Variants in BRCA2 observed in about 807,000 individuals in gnomAD.
BRCA2 encodes BRCA2 DNA repair associated.
In BRCA2, 203 loss-of-function variants were observed where a neutral mutation model predicts 276.7. The ratio of observed to expected loss-of-function variants is 0.73; its 90% CI spans 0.65 to 0.82. BRCA2 has a LOEUF of 0.82. Among genes scored for constraint, BRCA2 ranks in the 40% least tolerant of loss-of-function variants. BRCA2 has a pLI of 0.00. For missense variants in BRCA2, 3,920 were observed against 3,915.0 expected, an observed-to-expected ratio of 1.00 and a Z score of -0.03; for synonymous variants, 1,289 against 1,338.4, an observed-to-expected ratio of 0.96 and a Z score of 0.81.
Position 32,338,570 on chromosome 13 carries a change from TAAA to T in BRCA2, c.4216_4218del (p.Lys1406del), listed in dbSNP as rs758636052. The stretch of plus-strand genomic sequence containing the variant: ...AAGCATGTCATGGTAATACTTCAAA[TAAA>T]GAACAGTTAACTGCTACTAAAACGG... On this transcript the variant is annotated inframe_deletion, in exon 11 of 27. Transcript: ENST00000380152. 6.3e-7 allele frequency: 1 copy of T among 1,595,596 alleles called. No homozygotes were observed. Among genetic ancestry groups the T allele is most frequent in the Non-Finnish European group, 8.5e-7 (1 of 1,171,736 alleles).
chr13:32,361,954 AT>A (rs1181321309), intron 16 of BRCA2, among the ~76,000 whole-genome samples: 3 of 152,220 alleles, frequency 2.0e-5, no homozygotes, highest in Non-Finnish European at 4.4e-5. Context: ...ATTATTTAAA[AT>A]CAAGGATCTC....
intron 20 of BRCA2, among the ~76,000 whole-genome samples, chr13:32,375,905 A>G (rs894924464): frequency 1.3e-5 from 2 of 152,184 alleles, no homozygotes; most frequent in Non-Finnish European, 2.9e-5. Flanking sequence ...AAATGACTCC[A>G]TGATCCATGG....
At chr13:32,326,365 A>G (rs1031272655) in intron 6 of BRCA2, 83 bp downstream of exon 6, 6 of 1,516,932 alleles carry the variant, frequency 4.0e-6, no homozygotes, top group Non-Finnish European at 4.6e-6. Context: ...TGAGATTTAC[A>G]AATCTGTACC....
intron 2 of BRCA2, 75 bp downstream of exon 2, chr13:32,316,602 A>G (rs889746951): frequency 1.5e-5 from 19 of 1,236,846 alleles, no homozygotes; most frequent in Admixed American, 3.7e-5. Context: ...CTAAAAACCC[A>G]GTACGTCACA....
rs55777417 is a variant in BRCA2 at position 32,349,216 on chromosome 13, CAAAAAAAAAA to C, written c.7007+2334_7007+2343del. Among the ~76,000 whole-genome samples the C allele has an allele frequency of 2.6e-4, 26 of 98,142 alleles. 1 individual carries two copies. The highest frequency in any genetic ancestry group is 2.0e-3 in the South Asian group (6 of 2,982). 64.4% of individuals were successfully genotyped at this position (98,142 alleles called of 152,430 possible). A position where few individuals can be genotyped will look rare whatever the true frequency, so the allele number is the denominator to read the frequency against. ...TGGGTGACAGAGTGAGACTCTGTCTCAAAAAAAAAAAAAAAAAAAAAAAGATGGTGAATTG... is the reference window on the plus strand; with the variant it reads ...TGGGTGACAGAGTGAGACTCTGTCTCAAAAAAAAAAAAAGATGGTGAATTG... On this transcript the variant is annotated intron_variant, in intron 13 of 26. Transcript: ENST00000380152.
At chr13:32,316,122 C>A (rs2072256297) in intron 1 of BRCA2, among the ~76,000 whole-genome samples, 1 of 151,410 alleles carries the variant, frequency 6.6e-6, no homozygotes, top group Non-Finnish European at 1.5e-5. Context: ...TGGTCTCTAA[C>A]TGGAGCCCTC....
chr13:32,365,679 G>C (rs1328071212), intron 18 of BRCA2, among the ~76,000 whole-genome samples: 1 of 124,560 alleles, frequency 8.0e-6, no homozygotes, highest in Non-Finnish European at 1.7e-5. Flanking sequence ...CGCCCAGCCT[G>C]TTTTGTTGTT....
chr13:32,344,734 C>A, intron 12 of BRCA2, 81 bp downstream of exon 12: 1 of 984,150 alleles, frequency 1.0e-6, no homozygotes, highest in Non-Finnish European at 1.6e-6. Context: ...GATCCACCTG[C>A]CTCTCAAAGT....
rs786202382 is a variant in BRCA2, at chr13:32,340,883, C to T, written c.6528C>T (p.Asn2176=). ...GAACCAAAGTGTCACTTGTTGAGAA[C>T]ATTCATGTTTTGGGAAAAGAACAGG... ...VLGTKVSLVE[N]IHVLGKEQAS... Residue 2176 remains asparagine (N), a synonymous_variant, in exon 11 of 27, where the codon AAC becomes AAT. Coordinates refer to ENST00000380152, the MANE Select transcript of BRCA2 (RefSeq NM_000059.4). 3 of 1,605,420 alleles carry T rather than the reference C, an allele frequency of 1.9e-6. No homozygotes were observed. Among genetic ancestry groups the T allele is most frequent in the Non-Finnish European group, 2.5e-6 (3 of 1,177,816 alleles).
rs578102315 is a variant in BRCA2 at position 32,396,761 on chromosome 13, C to A, written c.9502-137C>A. The A allele has an allele frequency of 7.5e-6, 8 of 1,066,798 alleles. No individual in the cohort carries two copies. In the East Asian group the frequency reaches 1.9e-4, roughly 26 times the overall value. 66.1% of individuals were successfully genotyped at this position (1,066,798 alleles called of 1,614,324 possible). A position where few individuals can be genotyped will look rare whatever the true frequency, so the allele number is the denominator to read the frequency against. On this transcript the variant is annotated intron_variant, in intron 25 of 26. Transcript: ENST00000380152. ...TGTAATTTTGCATCGGCATGTTTGA[C>A]AATTGGTATCACATTTAGGGTTTTT...
chr13:32,356,043 T>C (rs1436805552), intron 14 of BRCA2, among the ~76,000 whole-genome samples: 8 of 150,432 alleles, frequency 5.3e-5, no homozygotes, highest in Non-Finnish European at 1.2e-4. Context: ...AAACAGGGCT[T>C]GCGCTTTTTT....
intron 24 of BRCA2, 32 bp from the exon 25 acceptor site, chr13:32,394,657 A>T (rs868281327): frequency 6.2e-7 from 1 of 1,602,074 alleles, no homozygotes; most frequent in Non-Finnish European, 8.5e-7. Context: ...ACACATCTAT[A>T]ATAACATTCT....
chr13:32,336,530 A>G lies in BRCA2; in HGVS notation c.2175A>G (p.Lys725=), dbSNP rs80358491. ...GTGAAAATGATCCAAAAAGCAAAAA[A>G]GTTTCAGATATAAAAGAAGAGGTCT... ...GQCENDPKSK[K]VSDIKEEVLA... Residue 725 remains lysine (K), a synonymous_variant, in exon 11 of 27, where the codon AAA becomes AAG. Coordinates refer to ENST00000380152, the MANE Select transcript of BRCA2 (RefSeq NM_000059.4). The G allele has an allele frequency of 3.7e-6, 6 of 1,613,966 alleles. No individual in the cohort carries two copies. Among genetic ancestry groups the G allele is most frequent in the East Asian group, 2.2e-5 (1 of 44,882 alleles).
chr13:32,320,274 G>A (rs2072297997), intron 3 of BRCA2, among the ~76,000 whole-genome samples: 1 of 152,196 alleles, frequency 6.6e-6, no homozygotes, highest in Admixed American at 6.5e-5. Context: ...GCTACTTATT[G>A]TGTCAAACCT....
upstream of BRCA2, chr13:32,315,214 G>A (rs972069156): frequency 1.3e-5 from 2 of 152,558 alleles, no homozygotes; most frequent in African/African-American, 2.4e-5. Context: ...ATGAGCTGGA[G>A]CAAAAAGAAA....
At chr13:32,362,189 A>AT (rs1008404967) in intron 16 of BRCA2, among the ~76,000 whole-genome samples, 9 of 151,528 alleles carry the variant, frequency 5.9e-5, no homozygotes, top group Non-Finnish European at 1.2e-4. Flanking sequence ...CTCTTGGCTG[A>AT]TTTTTTTTAT....
intron 13 of BRCA2, among the ~76,000 whole-genome samples, chr13:32,353,333 C>G (rs2137552156): frequency 6.6e-6 from 1 of 152,296 alleles, no homozygotes; most frequent in South Asian, 2.1e-4. Flanking sequence ...AACTGGTCCC[C>G]CTGCTTACCT....
Position 32,339,131 on chromosome 13 carries a change from A to G in BRCA2, c.4776A>G (p.Lys1592=), listed in dbSNP as rs2137510103. The change falls in exon 11 of 27, where the codon AAA becomes AAG. Residue 1592 remains lysine, a synonymous_variant. Transcript: ENST00000380152. The part of the protein sequence containing the change: ...TIEITAAPKC[K]EMQNSLNNDK... ...AGATCACAGCTGCCCCAAAGTGTAA[A>G]GAAATGCAGAATTCTCTCAATAATG... 6.2e-7 allele frequency: 1 copy of G among 1,614,038 alleles called. No homozygotes were observed. The highest frequency in any genetic ancestry group is 8.5e-7 in the Non-Finnish European group (1 of 1,179,948).
Position 32,339,045 on chromosome 13 carries a change from G to GC in BRCA2, c.4691dup (p.Thr1566AspfsTer9), listed in dbSNP as rs786204209. ...AATCACCAGTTTTAGCCATCAATGGGCAAAGACCCTAAAGTACAGAGAGGC... is the reference window on the plus strand; with the variant it reads ...AATCACCAGTTTTAGCCATCAATGGGCCAAAGACCCTAAAGTACAGAGAGGC... On this transcript the variant is annotated frameshift_variant, in exon 11 of 27. Transcript: ENST00000380152. LOFTEE classifies it high-confidence loss of function. 6.2e-7 allele frequency: 1 copy of GC among 1,613,884 alleles called. No homozygotes were observed. Among genetic ancestry groups the GC allele is most frequent in the Non-Finnish European group, 8.5e-7 (1 of 1,179,960 alleles).
Sources: allele counts gnomAD v4.1 joint callset (sites outside exome capture counted in the v4.1 genomes callset), GRCh38; gene constraint gnomAD v4.1.1; transcripts MANE v1.5; gene names NCBI Gene and HGNC (gene_info 2026-07-23, HGNC 2026-07-21).